Variants in NRXN1 observed in about 807,000 individuals in gnomAD.
The protein encoded by NRXN1 is neurexin 1, also known as neurexin-1.
NRXN1 carries 39 observed loss-of-function variants against 150.9 expected under a neutral mutation model. The ratio of observed to expected loss-of-function variants is 0.26; its 90% confidence interval spans 0.20 to 0.34. NRXN1 has a LOEUF of 0.34. Ranked by LOEUF, NRXN1 falls within the 10% of genes least tolerant of loss-of-function variation. The probability of loss-of-function intolerance (pLI) is 1.00; values close to 1 mark genes in which losing one functional copy is unlikely to be tolerated. For synonymous variants in NRXN1, 924 were observed against 757.0 expected (o/e 1.22, Z -3.62); for missense variants, 1,815 against 1,949.9 (o/e 0.93, Z 1.30).
intron 22 of NRXN1, among the ~76,000 whole-genome samples, chr2:49,942,422 T>G (rs2104364905): frequency 6.6e-6 from 1 of 152,250 alleles, no homozygotes; most frequent in Non-Finnish European, 1.5e-5. Flanking sequence ...CATCCCGATT[T>G]GCTCTAAAGA....
chr2:50,085,395 A>G (rs1162572355), intron 19 of NRXN1, among the ~76,000 whole-genome samples: 1 of 152,124 alleles, frequency 6.6e-6, no homozygotes, highest in Non-Finnish European at 1.5e-5. Context: ...CACAAGACTT[A>G]TATTTTCACT....
At chr2:50,534,099 G>GTACA in intron 10 of NRXN1, among the ~76,000 whole-genome samples, 1 of 147,218 alleles carries the variant, frequency 6.8e-6, no homozygotes, top group Admixed American at 6.8e-5. Context: ...ATCAATAATT[G>GTACA]CACACACACA....
intron 5 of NRXN1, among the ~76,000 whole-genome samples, chr2:50,913,634 T>C (rs138967724): frequency 1.3e-5 from 2 of 151,918 alleles, no homozygotes; most frequent in Admixed American, 6.6e-5. Flanking sequence ...TCTCAGTTCA[T>C]AGTTCTTTGA....
chr2:50,246,108 C>A (rs190013658), intron 17 of NRXN1, among the ~76,000 whole-genome samples: 18 of 152,106 alleles, frequency 1.2e-4, no homozygotes, highest in African/African-American at 3.9e-4. Flanking sequence ...CACATTCTGA[C>A]ATTTTTAGAG....
At chr2:49,972,154 G>C (rs975617432) in intron 21 of NRXN1, among the ~76,000 whole-genome samples, 3 of 152,150 alleles carry the variant, frequency 2.0e-5, no homozygotes, top group Non-Finnish European at 4.4e-5. Flanking sequence ...TTTTGTAAGA[G>C]TCATTAAAAT....
chr2:50,320,689 C>A (rs1469511831), intron 17 of NRXN1, among the ~76,000 whole-genome samples: 1 of 151,814 alleles, frequency 6.6e-6, no homozygotes, highest in African/African-American at 2.4e-5. Context: ...CATTGGAAAT[C>A]GAATATGAAA....
At chr2:50,160,284 T>C (rs1451268930) in intron 18 of NRXN1, among the ~76,000 whole-genome samples, 1 of 152,114 alleles carries the variant, frequency 6.6e-6, no homozygotes, top group Non-Finnish European at 1.5e-5. Flanking sequence ...CTAACGTCTG[T>C]AATCCCAGCA....
At chr2:50,896,684 T>C (rs1344420527) in intron 5 of NRXN1, among the ~76,000 whole-genome samples, 1 of 151,990 alleles carries the variant, frequency 6.6e-6, no homozygotes, top group East Asian at 1.9e-4. Flanking sequence ...CTGTCTCTAC[T>C]AAAAATACAA....
chr2:50,424,890 C>T (rs2084356814), intron 17 of NRXN1, among the ~76,000 whole-genome samples: 1 of 152,122 alleles, frequency 6.6e-6, no homozygotes, highest in East Asian at 1.9e-4. Context: ...TAATATTTTT[C>T]TGTTAAAAAA....
chr2:50,708,990 T>C (rs897304496), intron 5 of NRXN1, among the ~76,000 whole-genome samples: 4 of 152,134 alleles, frequency 2.6e-5, no homozygotes, highest in African/African-American at 7.2e-5. Flanking sequence ...ATGCAGACAT[T>C]TGATTGCCTG....
chr2:50,329,918 C>T (rs1321227788), intron 17 of NRXN1, among the ~76,000 whole-genome samples: 3 of 151,358 alleles, frequency 2.0e-5, no homozygotes, highest in South Asian at 2.1e-4. Context: ...GTGACCCACC[C>T]GCCTCGGCCT....
chr2:50,354,714 T>C (rs1374985378), intron 17 of NRXN1, among the ~76,000 whole-genome samples: 5 of 151,608 alleles, frequency 3.3e-5, no homozygotes, highest in Non-Finnish European at 7.4e-5. Flanking sequence ...ATACTGGTCA[T>C]CCAAATAGTC....
chr2:50,972,508 A>T (rs1225979986), intron 2 of NRXN1, among the ~76,000 whole-genome samples: 1 of 152,136 alleles, frequency 6.6e-6, no homozygotes, highest in Non-Finnish European at 1.5e-5. Flanking sequence ...GGGTGGTTTC[A>T]GGATGATTCA....
intron 9 of NRXN1, among the ~76,000 whole-genome samples, chr2:50,539,808 A>G (rs1212134024): frequency 6.6e-6 from 1 of 152,224 alleles, no homozygotes; most frequent in Admixed American, 6.5e-5. Flanking sequence ...TATTTAGGGA[A>G]GAGACACAAG....
At chr2:50,226,882 A>G (rs1450358774) in intron 18 of NRXN1, among the ~76,000 whole-genome samples, 29 of 152,018 alleles carry the variant, frequency 1.9e-4, no homozygotes, top group Non-Finnish European at 2.2e-4. Flanking sequence ...CATTTTCAGA[A>G]CACACATAGT....
intron 5 of NRXN1, among the ~76,000 whole-genome samples, chr2:50,809,446 C>G (rs1409330399): frequency 6.6e-6 from 1 of 152,048 alleles, no homozygotes; most frequent in Non-Finnish European, 1.5e-5. Context: ...AAAAATAAAT[C>G]AAACACAATT....
intron 5 of NRXN1, among the ~76,000 whole-genome samples, chr2:50,711,011 T>C (rs1027056247): frequency 6.6e-6 from 1 of 152,130 alleles, no homozygotes; most frequent in Non-Finnish European, 1.5e-5. Context: ...CTTCTGAACA[T>C]TGGAATAATG....
rs376710787 is a variant in NRXN1 at position 50,223,347 on chromosome 2, C to A, written c.3546+13442G>T. Among the ~76,000 whole-genome samples the A allele has an allele frequency of 2.6e-5, 4 of 152,000 alleles. No individual in the cohort carries two copies. The East Asian group carries it at 7.8e-4, about 30-fold the overall frequency. On this transcript the variant is annotated intron_variant, in intron 18 of 22. Coordinates refer to ENST00000401669, the MANE Select transcript of NRXN1 (RefSeq NM_001330078.2). ...TCTCAAATTCCAGAAACATCCCCAG[C>A]CACTGCATTTATCCAACACCCTTCT...
chr2:50,975,802 T>C (rs997108693), intron 2 of NRXN1, among the ~76,000 whole-genome samples: 6 of 151,940 alleles, frequency 3.9e-5, no homozygotes, highest in Admixed American at 3.3e-4. Context: ...AACTACCCCA[T>C]ACCTTTGGTA....
Sources: gnomAD v4.1 joint callset for allele counts (sites outside exome capture counted in the v4.1 genomes callset) on GRCh38, gnomAD v4.1.1 for gene constraint, MANE v1.5 for transcripts, NCBI Gene and HGNC (gene_info 2026-07-23, HGNC 2026-07-21) for gene names.